Variants in WIPF2 observed in about 807,000 individuals in gnomAD.
WIPF2 encodes WAS/WASL interacting protein family member 2.
Under a neutral mutation model 38.8 loss-of-function variants are expected in WIPF2, and 23 were observed. That is an observed-to-expected ratio of 0.59 (90% confidence interval 0.43 to 0.84). The LOEUF (loss-of-function observed/expected upper bound fraction) is 0.84, where lower values mean the gene tolerates loss of function less well. Among genes scored for constraint, WIPF2 ranks in the 40% least tolerant of loss-of-function variants. WIPF2 has a pLI of 0.00. For synonymous variants in WIPF2, 210 were observed against 223.2 expected (o/e 0.94, Z 0.53); for missense variants, 574 against 580.5 (o/e 0.99, Z 0.11).
intron 1 of WIPF2, among the ~76,000 whole-genome samples, chr17:40,251,157 G>A (rs1019515424): frequency 1.3e-5 from 2 of 151,840 alleles, no homozygotes; most frequent in East Asian, 1.9e-4. Context: ...CTTGTGATCC[G>A]CCCTCCTCGG....
chr17:40,242,515 T>C (rs2031226298), intron 1 of WIPF2, among the ~76,000 whole-genome samples: 1 of 152,154 alleles, frequency 6.6e-6, no homozygotes, highest in Non-Finnish European at 1.5e-5. Flanking sequence ...TTCTCCTGCC[T>C]CAGCCTCCCG....
chr17:40,270,377 A>AAG, intron 5 of WIPF2, among the ~76,000 whole-genome samples: 1 of 151,880 alleles, frequency 6.6e-6, no homozygotes, highest in East Asian at 1.9e-4. Flanking sequence ...AAAAAAAAAA[A>AAG]AAAAAAGAAA....
rs763198849 is a variant in WIPF2, at chr17:40,228,004, C to CT, written c.-70+8517dup. Among the ~76,000 whole-genome samples, 552 of 119,818 alleles carry CT rather than the reference C, an allele frequency of 4.6e-3. 18 individuals carry two copies. Among genetic ancestry groups the CT allele is most frequent in the East Asian group, 0.012 (49 of 4,044 alleles). 78.6% of individuals were successfully genotyped at this position (119,818 alleles called of 152,430 possible). On this transcript the variant is annotated intron_variant, in intron 1 of 7. Coordinates refer to ENST00000323571, the MANE Select transcript of WIPF2 (RefSeq NM_133264.5). ...GTATCTTTTGCTTGTTTTTATACCT[C>CT]TTTTTGTTTTTTTTTTTTTTTTTTT... is the stretch of plus-strand genomic sequence containing the variant.
intron 2 of WIPF2, among the ~76,000 whole-genome samples, chr17:40,257,845 T>G (rs1036140853): frequency 6.6e-6 from 1 of 150,556 alleles, no homozygotes; most frequent in Non-Finnish European, 1.5e-5. Context: ...AGGCCATGGG[T>G]GTGTGTATGT....
rs914347117 is a variant in WIPF2, at chr17:40,281,030, G to A, written c.*2805G>A. On this transcript the variant is annotated 3_prime_UTR_variant, in exon 8 of 8. Transcript: ENST00000323571. ...CAGTCTATTTTGTATGTTGTAAAAA[G>A]CTTCTAATTTAGGTTTAAGGTGGGC... 2.0e-5 allele frequency: 3 copies of A among 152,600 alleles called. No homozygotes were observed. The highest frequency in any genetic ancestry group is 4.4e-5 in the Non-Finnish European group (3 of 68,028). 9.5% of individuals were successfully genotyped at this position (152,600 alleles called of 1,614,324 possible). A position where few individuals can be genotyped will look rare whatever the true frequency, so the allele number is the denominator to read the frequency against.
At chr17:40,238,601 C>G (rs2031068936) in intron 1 of WIPF2, among the ~76,000 whole-genome samples, 1 of 151,820 alleles carries the variant, frequency 6.6e-6, no homozygotes, top group East Asian at 1.9e-4. Context: ...CTGCACCTGC[C>G]CTTATTTATT....
At chr17:40,243,616 C>T (rs1374526921) in intron 1 of WIPF2, among the ~76,000 whole-genome samples, 9 of 151,820 alleles carry the variant, frequency 5.9e-5, no homozygotes, top group Non-Finnish European at 1.0e-4. Context: ...CGGGTTCAAG[C>T]AATTCTCCTG....
chr17:40,247,845 A>G (rs1357832798), intron 1 of WIPF2, among the ~76,000 whole-genome samples: 1 of 152,144 alleles, frequency 6.6e-6, no homozygotes, highest in African/African-American at 2.4e-5. Flanking sequence ...AATTGATACT[A>G]ATGGGCCACC....
intron 6 of WIPF2, among the ~76,000 whole-genome samples, chr17:40,276,319 G>A (rs1392221028): frequency 6.6e-6 from 1 of 152,058 alleles, no homozygotes; most frequent in Non-Finnish European, 1.5e-5. Context: ...CCTGAGGTCA[G>A]GAGTTCAAGA....
chr17:40,251,752 C>A (rs557942440), intron 1 of WIPF2, among the ~76,000 whole-genome samples: 6 of 152,270 alleles, frequency 3.9e-5, no homozygotes, highest in Admixed American at 2.6e-4. Flanking sequence ...TTCTCATGTA[C>A]ATGTAGGCAC....
chr17:40,258,153 T>C (rs1289884317), intron 2 of WIPF2, among the ~76,000 whole-genome samples: 1 of 152,192 alleles, frequency 6.6e-6, no homozygotes, highest in Non-Finnish European at 1.5e-5. Flanking sequence ...ATCCCAGCAC[T>C]TTGGGAGGCC....
intron 4 of WIPF2, 82 bp from the exon 5 acceptor site, chr17:40,264,408 G>A: frequency 8.8e-7 from 1 of 1,132,224 alleles, no homozygotes; most frequent in Admixed American, 1.7e-5. Flanking sequence ...CATGCAGGTT[G>A]CACTAAGGAG....
intron 1 of WIPF2, among the ~76,000 whole-genome samples, chr17:40,227,896 C>T (rs1245397819): frequency 6.8e-6 from 1 of 147,188 alleles, no homozygotes; most frequent in African/African-American, 2.5e-5. Context: ...ATACCAGGTA[C>T]ATATAAAGCA....
intron 2 of WIPF2, among the ~76,000 whole-genome samples, chr17:40,260,155 A>C (rs933635275): frequency 3.7e-5 from 5 of 134,280 alleles, no homozygotes; most frequent in Admixed American, 7.4e-5. Context: ...TAAGTCATTT[A>C]TCCCAAGCTT....
rs965427710 is a variant in WIPF2, at chr17:40,282,383, C to T, written c.*4158C>T. The T allele has an allele frequency of 6.6e-6, 1 of 152,198 alleles. No individual in the cohort carries two copies. Among genetic ancestry groups the T allele is most frequent in the Non-Finnish European group, 1.5e-5 (1 of 68,044 alleles). 9.4% of individuals were successfully genotyped at this position (152,198 alleles called of 1,614,324 possible). On this transcript the variant is annotated 3_prime_UTR_variant, in exon 8 of 8. Coordinates refer to ENST00000323571, the MANE Select transcript of WIPF2 (RefSeq NM_133264.5). ...TTCTTTTCACATGTCTAATCTTTTC[C>T]TTTCTCATGGTGCCCTCCATGGAAG...
intron 1 of WIPF2, among the ~76,000 whole-genome samples, chr17:40,226,284 A>G (rs924361361): frequency 2.0e-5 from 3 of 149,820 alleles, no homozygotes; most frequent in Admixed American, 6.7e-5. Context: ...GCTCACTGCA[A>G]CCTCCACCTC....
chr17:40,234,426 T>C (rs2030873626), intron 1 of WIPF2, among the ~76,000 whole-genome samples: 3 of 151,720 alleles, frequency 2.0e-5, no homozygotes, highest in Admixed American at 1.3e-4. Context: ...AGTGAGACTC[T>C]GTCTCAAAAC....
intron 2 of WIPF2, among the ~76,000 whole-genome samples, chr17:40,257,264 A>ATTACAGGTGTGAGCCG (rs2031757237): frequency 6.6e-6 from 1 of 151,996 alleles, no homozygotes; most frequent in Non-Finnish European, 1.5e-5. Context: ...GGTGTGAGCC[A>ATTACAGGTGTGAGCCG]CCGCGCCCGG....
Position 40,279,904 on chromosome 17 carries a change from T to C in WIPF2, c.*1679T>C, listed in dbSNP as rs899447130. The C allele has an allele frequency of 2.0e-5, 3 of 151,572 alleles. No homozygotes were observed. The highest frequency in any genetic ancestry group is 1.9e-4 in the East Asian group (1 of 5,166). The allele number at this position is 151,572 out of a possible 1,614,324, so 9.4% of individuals were successfully genotyped here. ...ACACACATCACAGGCTTAAACTGTC[T>C]TAGAGACCTTTCCAGTTGATTGGAT... On this transcript the variant is annotated 3_prime_UTR_variant, in exon 8 of 8. Coordinates refer to ENST00000323571, the MANE Select transcript of WIPF2 (RefSeq NM_133264.5).
Sources: allele counts gnomAD v4.1 joint callset (sites outside exome capture counted in the v4.1 genomes callset), GRCh38; gene constraint gnomAD v4.1.1; transcripts MANE v1.5; gene names NCBI Gene and HGNC (gene_info 2026-07-23, HGNC 2026-07-21).